Variants in PDXDC1 observed in about 807,000 individuals in gnomAD.
PDXDC1 encodes the protein pyridoxal-dependent decarboxylase domain-containing protein 1.
A neutral mutation model predicts 100.1 loss-of-function variants in PDXDC1; 42 were observed. The observed-to-expected ratio is 0.42, with a 90% CI of 0.33 to 0.54. PDXDC1 has a LOEUF of 0.54. Among genes scored for constraint, PDXDC1 ranks in the 20% least tolerant of loss-of-function variants. The pLI, the probability that PDXDC1 is intolerant of heterozygous loss-of-function variation, is 0.10. For synonymous variants in PDXDC1, 260 were observed against 371.7 expected (o/e 0.70, Z 3.46); for missense variants, 636 against 979.2 (o/e 0.65, Z 4.68).
At chr16:15,099,228 G>A (rs533149674) in intron 16 of PDXDC1, among the ~76,000 whole-genome samples, 217 of 152,086 alleles carry the variant, frequency 1.4e-3, no homozygotes, top group Non-Finnish European at 1.8e-3. Context: ...TTCAAGACCA[G>A]CTGGGCCAAC....
intron 16 of PDXDC1, among the ~76,000 whole-genome samples, chr16:15,087,233 A>C (rs1206008051): frequency 1.3e-5 from 2 of 152,212 alleles, no homozygotes; most frequent in Non-Finnish European, 2.9e-5. Flanking sequence ...GGATATTCAT[A>C]TGGAGTTATC....
chr16:14,989,692 G>T lies in PDXDC1; in HGVS notation c.22-8061G>T, dbSNP rs1173188665. 17 of 1,561,164 alleles carry T rather than the reference G, an allele frequency of 1.1e-5. No homozygotes were observed. In the Admixed American group the frequency reaches 1.9e-4, roughly 18 times the overall value. On this transcript the variant is annotated intron_variant, in intron 1 of 22. Transcript: ENST00000396410. The stretch of plus-strand genomic sequence containing the variant: ...ACGGGGCCAGGACCTGGGGACCCCA[G>T]CTGCAGGCAACGCACGCGGCGCAGC...
intron 16 of PDXDC1, among the ~76,000 whole-genome samples, chr16:15,062,221 T>C (rs1454780931): frequency 6.6e-6 from 1 of 152,148 alleles, no homozygotes; most frequent in Non-Finnish European, 1.5e-5. Flanking sequence ...ACATAACTGC[T>C]CATCACACAT....
At chr16:14,994,957 A>G (rs1228449346) in intron 1 of PDXDC1, among the ~76,000 whole-genome samples, 5 of 152,302 alleles carry the variant, frequency 3.3e-5, no homozygotes, top group African/African-American at 9.6e-5. Flanking sequence ...TTATTGGTGT[A>G]TAAGAATGCT....
At chr16:15,047,729 A>G in intron 16 of PDXDC1, 1 of 937,354 alleles carries the variant, frequency 1.1e-6, no homozygotes, top group South Asian at 1.3e-5. Flanking sequence ...GACACCATGC[A>G]GACCAGAAAA....
At chr16:15,048,122 A>G in intron 16 of PDXDC1, 2 of 1,488,982 alleles carry the variant, frequency 1.3e-6, no homozygotes, top group Non-Finnish European at 1.9e-6. Flanking sequence ...AAAAAAAATA[A>G]AATAGTGATG....
At chr16:15,143,074 T>C (rs1454108076), downstream of PDXDC1, among the ~76,000 whole-genome samples, 8 of 152,198 alleles carry the variant, frequency 5.3e-5, no homozygotes, top group South Asian at 8.3e-4. Flanking sequence ...CCAAGCTTGT[T>C]GGGAGAAGTA....
In PDXDC1 at chr16:15,125,571, C is replaced by G. The variant is rs534098511; in HGVS notation, c.1400-13308C>G. 4.9e-4 allele frequency: 757 copies of G among 1,536,502 alleles called. 2 individuals are homozygous for G. In the African/African-American group the frequency reaches 8.4e-3, roughly 17 times the overall value. On this transcript the variant is annotated intron_variant, in intron 16 of 16. Transcript: ENST00000535621. ...CCCACCTCTTAGAATCATCCAGAAA[C>G]AAGTCACTCTTCACCTGTCCAGCAA...
intron 16 of PDXDC1, among the ~76,000 whole-genome samples, chr16:15,067,952 G>A (rs188552138): frequency 1.3e-5 from 2 of 151,718 alleles, no homozygotes; most frequent in African/African-American, 2.4e-5. Context: ...TAGAGATAGG[G>A]TCTCACTATG....
intron 16 of PDXDC1, among the ~76,000 whole-genome samples, chr16:15,087,456 T>A (rs559198443): frequency 6.6e-6 from 1 of 152,218 alleles, no homozygotes; most frequent in Non-Finnish European, 1.5e-5. Flanking sequence ...GGCTATCCTC[T>A]GTCCACCGTC....
At chr16:15,137,512 G>C in intron 16 of PDXDC1, 1 of 1,157,336 alleles carries the variant, frequency 8.6e-7, no homozygotes, top group Non-Finnish European at 1.2e-6. Context: ...CTGAGCTGTT[G>C]TCAGGGAGGC....
intron 16 of PDXDC1, chr16:15,074,899 T>A (rs1167050188): frequency 1.3e-6 from 2 of 1,572,376 alleles, no homozygotes; most frequent in African/African-American, 1.4e-5. Context: ...ATTAAAAAAT[T>A]CAATGTCAAA....
At chr16:15,032,121 C>G (rs1425745874) in intron 17 of PDXDC1, 5 of 578,672 alleles carry the variant, frequency 8.6e-6, no homozygotes, top group Non-Finnish European at 1.5e-5. Flanking sequence ...GCTGAATGTT[C>G]TGTCTGTAGG....
intron 1 of PDXDC1, among the ~76,000 whole-genome samples, chr16:14,991,358 T>TG (rs1370690876): frequency 6.6e-6 from 1 of 152,150 alleles, no homozygotes; most frequent in Non-Finnish European, 1.5e-5. Context: ...AGTGCAGTGG[T>TG]GTGATCATGG....
chr16:15,035,567 C>G lies in PDXDC1; in HGVS notation c.2107+14C>G. On this transcript the variant is annotated intron_variant, in intron 22 of 22. Coordinates refer to ENST00000396410, the MANE Select transcript of PDXDC1 (RefSeq NM_015027.4). ...AGAGGCTTCCAGGTAAGTGACGCCT[C>G]TGCACCGAGTTCAGGTAACAGGTTT... 7.9e-6 allele frequency: 12 copies of G among 1,527,992 alleles called. No individual in the cohort carries two copies. The highest frequency in any genetic ancestry group is 9.9e-6 in the Non-Finnish European group (11 of 1,111,922). 94.7% of individuals were successfully genotyped at this position (1,527,992 alleles called of 1,614,324 possible).
chr16:15,150,364 A>AATAC, the PDXDC1 span, among the ~76,000 whole-genome samples: 1 of 150,032 alleles, frequency 6.7e-6, no homozygotes, highest in East Asian at 2.0e-4. Flanking sequence ...TAAATAAATA[A>AATAC]ATAAATAAAT....
At chr16:15,088,006 C>T (rs1006315027) in intron 16 of PDXDC1, among the ~76,000 whole-genome samples, 1 of 151,888 alleles carries the variant, frequency 6.6e-6, no homozygotes. Flanking sequence ...CCCAGCTACT[C>T]GGGAGGCTGA....
chr16:15,020,558 G>A (rs1452211352), intron 12 of PDXDC1, among the ~76,000 whole-genome samples: 13 of 152,314 alleles, frequency 8.5e-5, no homozygotes, highest in East Asian at 1.9e-4. Flanking sequence ...GCATGGTGGC[G>A]GGTGCCTGTA....
chr16:14,983,693 G>C (rs1235020401), intron 1 of PDXDC1, among the ~76,000 whole-genome samples: 1 of 151,496 alleles, frequency 6.6e-6, no homozygotes, highest in Non-Finnish European at 1.5e-5. Context: ...CCACATCACT[G>C]TACCACCTAT....
Sources: gnomAD v4.1 joint callset for allele counts (sites outside exome capture counted in the v4.1 genomes callset) on GRCh38, gnomAD v4.1.1 for gene constraint, MANE v1.5 for transcripts, NCBI Gene and HGNC (gene_info 2026-07-23, HGNC 2026-07-21) for gene names.